Variants in PDE8B observed in about 807,000 individuals in gnomAD.
PDE8B encodes phosphodiesterase 8B.
PDE8B carries 26 observed loss-of-function variants against 101.3 expected under a neutral mutation model. That is an observed-to-expected ratio of 0.26 (90% CI 0.19 to 0.36). The LOEUF is 0.36. PDE8B is among the 10% of genes least tolerant of loss of function. The probability of loss-of-function intolerance (pLI) is 1.00; values close to 1 mark genes in which losing one functional copy is unlikely to be tolerated. For missense variants in PDE8B, 810 were observed against 1,163.1 expected (o/e 0.70, Z 4.42); for synonymous variants, 424 against 429.3 (o/e 0.99, Z 0.15).
At chr5:77,188,756 G>A in the PDE8B span, among the ~76,000 whole-genome samples, 1 of 152,208 alleles carries the variant, frequency 6.6e-6, no homozygotes, top group Non-Finnish European at 1.5e-5. Flanking sequence ...ATGTAATATT[G>A]TCTAGGACAT....
intron 10 of PDE8B, among the ~76,000 whole-genome samples, chr5:77,397,179 A>G (rs1461277382): frequency 2.0e-5 from 3 of 151,280 alleles, no homozygotes; most frequent in Admixed American, 1.3e-4. Context: ...ACAGGTGCAC[A>G]CCACCCTGCC....
At chr5:77,192,512 C>G in the PDE8B span, among the ~76,000 whole-genome samples, 1 of 152,224 alleles carries the variant, frequency 6.6e-6, no homozygotes, top group South Asian at 2.1e-4. Flanking sequence ...TAGTTTGTCA[C>G]TTTTCATCTT....
chr5:77,155,151 CTT>C, the PDE8B span, among the ~76,000 whole-genome samples: 2 of 152,170 alleles, frequency 1.3e-5, no homozygotes, highest in African/African-American at 4.8e-5. Context: ...CTCTCTCTCT[CTT>C]TTTCTCTCTT....
chr5:77,351,021 C>T (rs200214447), intron 8 of PDE8B, 44 bp from the exon 9 acceptor site: 607 of 1,399,816 alleles, frequency 4.3e-4, no homozygotes, highest in Admixed American at 1.6e-3. Flanking sequence ...GAGCAGCTGT[C>T]ATCCTTGACT....
chr5:77,223,092 T>G (rs1373095025), intron 1 of PDE8B, among the ~76,000 whole-genome samples: 2 of 152,236 alleles, frequency 1.3e-5, no homozygotes, highest in African/African-American at 2.4e-5. Flanking sequence ...TAAAATTTTT[T>G]ATGAATCACA....
intron 6 of PDE8B, among the ~76,000 whole-genome samples, chr5:77,341,961 C>A (rs1174508962): frequency 6.6e-6 from 1 of 152,162 alleles, no homozygotes; most frequent in Non-Finnish European, 1.5e-5. Context: ...GCTCTTCTAA[C>A]CCGTATCATG....
intron 10 of PDE8B, among the ~76,000 whole-genome samples, chr5:77,388,793 C>G (rs1789283300): frequency 6.6e-6 from 1 of 152,156 alleles, no homozygotes; most frequent in Non-Finnish European, 1.5e-5. Flanking sequence ...TCTAGAGAGG[C>G]AGTCTGGCCA....
the PDE8B span, among the ~76,000 whole-genome samples, chr5:77,159,332 C>T: frequency 6.6e-6 from 1 of 152,052 alleles, no homozygotes; most frequent in Non-Finnish European, 1.5e-5. Flanking sequence ...GCAGATCCAC[C>T]CTTAATCTGG....
chr5:77,349,873 G>GT (rs1179368183), intron 8 of PDE8B, among the ~76,000 whole-genome samples: 1 of 152,166 alleles, frequency 6.6e-6, no homozygotes, highest in African/African-American at 2.4e-5. Context: ...GAGCTGTTGT[G>GT]TTTTTTCAGT....
chr5:77,104,136 A>G, the PDE8B span, among the ~76,000 whole-genome samples: 1 of 152,140 alleles, frequency 6.6e-6, no homozygotes, highest in South Asian at 2.1e-4. Flanking sequence ...TCAAGGGAGC[A>G]TAGAGCAGGC....
chr5:77,357,265 G>C (rs1275171586), intron 10 of PDE8B, among the ~76,000 whole-genome samples: 1 of 152,170 alleles, frequency 6.6e-6, no homozygotes, highest in Admixed American at 6.5e-5. Flanking sequence ...CCAGTGGACA[G>C]TTAGGCACAG....
chr5:77,179,013 C>A, the PDE8B span, among the ~76,000 whole-genome samples: 1 of 152,184 alleles, frequency 6.6e-6, no homozygotes, highest in Non-Finnish European at 1.5e-5. Context: ...CATAGGTGGG[C>A]AGCAAGTCAA....
chr5:77,230,027 G>A (rs955731311), intron 1 of PDE8B, among the ~76,000 whole-genome samples: 1 of 152,166 alleles, frequency 6.6e-6, no homozygotes. Context: ...TCTCCGAAGT[G>A]GCCGTACCAG....
chr5:77,094,197 A>G, the PDE8B span, among the ~76,000 whole-genome samples: 1 of 152,238 alleles, frequency 6.6e-6, no homozygotes, highest in Non-Finnish European at 1.5e-5. Flanking sequence ...CATTAAGTTC[A>G]AGACACTTTT....
rs187229082 is a variant in PDE8B, at chr5:77,246,341, G to A, written c.339+35077G>A. Reference sequence around the variant, plus strand: ...AGGTCCCAGGACAGTTAGGTTGTTCGTGGGGACTCCTCCGCCATCTGAGGT... The same window carrying A: ...AGGTCCCAGGACAGTTAGGTTGTTCATGGGGACTCCTCCGCCATCTGAGGT... On this transcript the variant is annotated intron_variant, in intron 1 of 21. Coordinates refer to ENST00000264917, the MANE Select transcript of PDE8B (RefSeq NM_003719.5). Among the ~76,000 whole-genome samples, 88 of 152,276 alleles carry A rather than the reference G, an allele frequency of 5.8e-4. 1 individual carries two copies. In the South Asian group the frequency reaches 9.8e-3, roughly 17 times the overall value.
At chr5:77,322,024 A>C (rs1326903942) in intron 2 of PDE8B, among the ~76,000 whole-genome samples, 1 of 152,192 alleles carries the variant, frequency 6.6e-6, no homozygotes, top group African/African-American at 2.4e-5. Context: ...ATCCCGGGCA[A>C]GAGCCTCCAC....
intron 10 of PDE8B, among the ~76,000 whole-genome samples, chr5:77,377,316 C>T (rs1032397749): frequency 3.9e-5 from 6 of 152,208 alleles, no homozygotes; most frequent in Admixed American, 1.3e-4. Flanking sequence ...AGGCTAGGCT[C>T]GTGCTTCTCA....
the PDE8B span, among the ~76,000 whole-genome samples, chr5:77,132,523 G>A: frequency 3.0e-3 from 458 of 152,178 alleles, 6 homozygotes; most frequent in Admixed American, 0.029. Flanking sequence ...CATTTGCTTA[G>A]TTTTCCATTT....
At chr5:77,168,142 A>G in the PDE8B span, among the ~76,000 whole-genome samples, 1 of 152,226 alleles carries the variant, frequency 6.6e-6, no homozygotes, top group Non-Finnish European at 1.5e-5. Flanking sequence ...TTTAAATTTG[A>G]AGACAGGGAC....
Sources: gnomAD v4.1 joint callset for allele counts (sites outside exome capture counted in the v4.1 genomes callset) on GRCh38, gnomAD v4.1.1 for gene constraint, MANE v1.5 for transcripts, NCBI Gene and HGNC (gene_info 2026-07-23, HGNC 2026-07-21) for gene names.